Variants in GGACT observed in about 807,000 individuals in gnomAD.
GGACT encodes gamma-glutamylaminecyclotransferase.
For synonymous variants in GGACT, 118 were observed against 115.3 expected (o/e 1.02, Z -0.15); for missense variants, 241 against 233.2 (o/e 1.03, Z -0.22).
intron 2 of GGACT, among the ~76,000 whole-genome samples, chr13:100,548,682 A>G (rs1234925248): frequency 1.3e-5 from 2 of 152,266 alleles, no homozygotes; most frequent in Non-Finnish European, 2.9e-5. Context: ...AAACAGGAAC[A>G]ATTATCTTGT....
intron 2 of GGACT, among the ~76,000 whole-genome samples, chr13:100,561,542 AC>A (rs34046416): frequency 0.41 from 62,042 of 152,002 alleles, 13,207 homozygotes; most frequent in Non-Finnish European, 0.47. Flanking sequence ...GCCTTGTCTT[AC>A]CTGGGGCTAT....
intron 2 of GGACT, among the ~76,000 whole-genome samples, chr13:100,573,599 C>T (rs534429543): frequency 2.6e-5 from 4 of 152,184 alleles, no homozygotes; most frequent in South Asian, 2.1e-4. Context: ...GCAATCCACA[C>T]GCCTCAGCCT....
intron 2 of GGACT, among the ~76,000 whole-genome samples, chr13:100,558,319 A>T (rs189902516): frequency 2.3e-4 from 35 of 152,316 alleles, no homozygotes; most frequent in Non-Finnish European, 7.3e-5. Context: ...CTCCAAAAAA[A>T]CCAAAACCAA....
At chr13:100,553,281 C>T (rs1264725821) in intron 2 of GGACT, among the ~76,000 whole-genome samples, 1 of 152,066 alleles carries the variant, frequency 6.6e-6, no homozygotes, top group Non-Finnish European at 1.5e-5. Context: ...ATTCCACTCC[C>T]AGGCAGATGC....
chr13:100,560,422 T>A (rs780941817), intron 2 of GGACT, among the ~76,000 whole-genome samples: 1 of 152,256 alleles, frequency 6.6e-6, no homozygotes, highest in Non-Finnish European at 1.5e-5. Flanking sequence ...CAGGCCCGTC[T>A]GTTCCTCTCT....
intron 2 of GGACT, chr13:100,537,411 T>A (rs1217543683): frequency 6.6e-6 from 1 of 152,214 alleles, no homozygotes; most frequent in African/African-American, 2.4e-5. Context: ...TGGTGATAGC[T>A]GAAGGAGCCA....
At chr13:100,562,271 G>A (rs2088769577) in intron 2 of GGACT, among the ~76,000 whole-genome samples, 1 of 152,078 alleles carries the variant, frequency 6.6e-6, no homozygotes, top group Admixed American at 6.6e-5. Flanking sequence ...CTCGGTGAAG[G>A]GCTAAGACTT....
chr13:100,555,540 T>A (rs879584004), intron 2 of GGACT, among the ~76,000 whole-genome samples: 9 of 150,788 alleles, frequency 6.0e-5, no homozygotes, highest in Non-Finnish European at 7.4e-5. Context: ...AGGTTTTTTT[T>A]AAAAAGAAAA....
intron 2 of GGACT, among the ~76,000 whole-genome samples, chr13:100,565,914 T>C (rs1023758463): frequency 1.3e-5 from 2 of 152,178 alleles, no homozygotes; most frequent in African/African-American, 4.8e-5. Flanking sequence ...GATTCAGTTA[T>C]AAAAAGACTG....
intron 2 of GGACT, chr13:100,540,328 TTGTAGGTC>T: frequency 1.3e-6 from 1 of 755,026 alleles, no homozygotes; most frequent in Non-Finnish European, 2.3e-6. Flanking sequence ...TCTTTACTAG[TTGTAGGTC>T]TGTTCAGTCT....
chr13:100,532,924 G>A (rs1288318562), intron 2 of GGACT, among the ~76,000 whole-genome samples: 2 of 152,210 alleles, frequency 1.3e-5, no homozygotes, highest in African/African-American at 4.8e-5. Context: ...AGAGAAAGGG[G>A]CACACATTGG....
intron 2 of GGACT, among the ~76,000 whole-genome samples, chr13:100,576,710 C>A (rs1875257399): frequency 6.6e-6 from 1 of 152,080 alleles, no homozygotes; most frequent in African/African-American, 2.4e-5. Flanking sequence ...GGAAAAGGCA[C>A]AACATACGAA....
rs562961578 is a variant in GGACT, at chr13:100,560,532, A to G, written c.-11+23293T>C. ...AGTCTACTTCCAGGGCCAACAGGGAATGGACAGGGAGTGAGCATCCGTGGG... is the reference window on the plus strand; with the variant it reads ...AGTCTACTTCCAGGGCCAACAGGGAGTGGACAGGGAGTGAGCATCCGTGGG... On this transcript the variant is annotated intron_variant, in intron 2 of 2. Coordinates refer to ENST00000683975, the MANE Select transcript of GGACT (RefSeq NM_001195087.2). 1.1e-4 allele frequency among the ~76,000 whole-genome samples: 17 copies of G among 152,282 alleles called. No individual in the cohort carries two copies. The South Asian group carries it at 3.3e-3, about 30-fold the overall frequency.
intron 2 of GGACT, among the ~76,000 whole-genome samples, chr13:100,552,736 C>A (rs2088675966): frequency 6.6e-6 from 1 of 152,162 alleles, no homozygotes; most frequent in African/African-American, 2.4e-5. Context: ...TTCACTCATT[C>A]AGGAGGTACT....
chr13:100,536,387 A>AT (rs1225663856), intron 2 of GGACT: 1 of 151,752 alleles, frequency 6.6e-6, no homozygotes, highest in African/African-American at 2.4e-5. Context: ...TCAGCCTCCA[A>AT]TGTTTTTATA....
chr13:100,563,871 G>A (rs1453315917), intron 2 of GGACT, among the ~76,000 whole-genome samples: 1 of 152,236 alleles, frequency 6.6e-6, no homozygotes, highest in South Asian at 2.1e-4. Context: ...GGGGAAAGGA[G>A]GAGGTGGGTG....
At chr13:100,553,152 A>G (rs2088680690) in intron 2 of GGACT, among the ~76,000 whole-genome samples, 1 of 152,212 alleles carries the variant, frequency 6.6e-6, no homozygotes, top group South Asian at 2.1e-4. Context: ...GTTCGAGGGC[A>G]CTACGCCTGG....
At chr13:100,582,662 A>C (rs1427027601) in intron 2 of GGACT, among the ~76,000 whole-genome samples, 1 of 152,260 alleles carries the variant, frequency 6.6e-6, no homozygotes, top group Non-Finnish European at 1.5e-5. Context: ...CAATAAGCCA[A>C]GGAATGCAGG....
At chr13:100,587,487 C>A (rs1409089084) in intron 1 of GGACT, among the ~76,000 whole-genome samples, 1 of 152,186 alleles carries the variant, frequency 6.6e-6, no homozygotes, top group Non-Finnish European at 1.5e-5. Flanking sequence ...TCAGGGAAGT[C>A]TGGCTTCTTC....
Sources: allele counts gnomAD v4.1 joint callset (sites outside exome capture counted in the v4.1 genomes callset), GRCh38; gene constraint gnomAD v4.1.1; transcripts MANE v1.5; gene names NCBI Gene and HGNC (gene_info 2026-07-23, HGNC 2026-07-21).